The following ANO9 variants were observed in gnomAD, a reference collection of about 807,000 sequenced individuals.
The protein encoded by ANO9 is anoctamin-9.
In ANO9, 80 loss-of-function variants were observed where a neutral mutation model predicts 100.5. The observed-to-expected ratio is 0.80, with a 90% confidence interval of 0.66 to 0.96. The LOEUF is 0.96. Among genes scored for constraint, ANO9 ranks in the 40% least tolerant of loss-of-function variants. ANO9 has a pLI of 0.00. For missense variants in ANO9, 1,064 were observed against 1,072.7 expected, an observed-to-expected ratio of 0.99 and a Z score of 0.11; for synonymous variants, 473 against 435.6, an observed-to-expected ratio of 1.09 and a Z score of -1.07.
chr11:420,555 G>T lies in ANO9; in HGVS notation c.1694C>A (p.Ala565Glu). The change falls in exon 19 of 23, where the codon GCG becomes GAG. Residue 565 changes from alanine to glutamate, a missense_variant. Ala to Glu is a moderately radical substitution (Grantham distance 107). Transcript: ENST00000332826. ...VAAFPLAPLL[A>E]LFSNLVEIRL... Reference sequence around the variant, plus strand: ...GATCTCCACGAGGTTGCTGAAGAGCGCGAGCAGCGGCGCCAGCGGGAAGGC... The same window carrying T: ...GATCTCCACGAGGTTGCTGAAGAGCTCGAGCAGCGGCGCCAGCGGGAAGGC... 6.2e-7 allele frequency: 1 copy of T among 1,605,518 alleles called. No individual in the cohort carries two copies.
chr11:427,337 G>A (rs188305007), intron 15 of ANO9, among the ~76,000 whole-genome samples: 1 of 152,112 alleles, frequency 6.6e-6, no homozygotes, highest in African/African-American at 2.4e-5. Context: ...GCGACAGAGC[G>A]AGACTCCATC....
At chr11:431,941 A>G (rs1171813412) in intron 5 of ANO9, 35 bp from the exon 6 acceptor site, 4 of 1,611,556 alleles carry the variant, frequency 2.5e-6, no homozygotes, top group South Asian at 2.2e-5. Flanking sequence ...AGGGGGAGTG[A>G]GGTGCTGGGA....
Position 428,073 on chromosome 11 carries a change from T to C in ANO9, c.1334+15A>G, listed in dbSNP as rs754718199. The C allele has an allele frequency of 6.4e-7, 1 of 1,574,634 alleles. No homozygotes were observed. The highest frequency in any genetic ancestry group is 1.8e-5 in the Admixed American group (1 of 55,902). On this transcript the variant is annotated intron_variant, in intron 15 of 22. Coordinates refer to ENST00000332826, the MANE Select transcript of ANO9 (RefSeq NM_001012302.3). The stretch of plus-strand genomic sequence containing the variant: ...CTCGTGAGTTGGGTTGGAGGGAGCC[T>C]GGCGCCGGCCCTACCTGCCCAGGAT...
intron 15 of ANO9, among the ~76,000 whole-genome samples, chr11:425,033 G>A (rs1048603401): frequency 1.6e-5 from 2 of 128,056 alleles, no homozygotes; most frequent in African/African-American, 6.0e-5. Flanking sequence ...GGCGTGGAGA[G>A]ACGGGACGCG....
At chr11:433,157 G>A in intron 4 of ANO9, 157 bp downstream of exon 4, 1 of 967,910 alleles carries the variant, frequency 1.0e-6, no homozygotes, top group Non-Finnish European at 1.5e-6. Context: ...GGCTCACACA[G>A]CCAGTGGGTC....
chr11:428,839 C>G lies in ANO9; in HGVS notation c.916-13G>C. 2 of 1,611,758 alleles carry G rather than the reference C, an allele frequency of 1.2e-6. No individual in the cohort carries two copies. Among genetic ancestry groups the G allele is most frequent in the Non-Finnish European group, 1.7e-6 (2 of 1,179,182 alleles). On this transcript the variant is annotated splice_polypyrimidine_tract_variant and intron_variant, in intron 11 of 22. Coordinates refer to ENST00000332826, the MANE Select transcript of ANO9 (RefSeq NM_001012302.3). ...GTGCCATTTCCTCCTGGGGAGAGCA[C>G]CGGGCAAGCCTCAGACAAGGGACAC...
intron 7 of ANO9, among the ~76,000 whole-genome samples, chr11:430,915 C>T (rs61497348): frequency 0.11 from 166 of 1,466 alleles, 28 homozygotes; most frequent in Middle Eastern, 0.5. Flanking sequence ...TATCTGGGGG[C>T]GTCCGCGGGG....
chr11:439,059 T>G (rs2133721891), intron 1 of ANO9, among the ~76,000 whole-genome samples: 1 of 152,166 alleles, frequency 6.6e-6, no homozygotes, highest in South Asian at 2.1e-4. Flanking sequence ...AGGCCTCAGT[T>G]TCCTCGTCTG....
intron 15 of ANO9, among the ~76,000 whole-genome samples, chr11:425,731 TG>T (rs1185256552): frequency 6.6e-6 from 1 of 151,954 alleles, no homozygotes; most frequent in Non-Finnish European, 1.5e-5. Context: ...TTTGTTTGTT[TG>T]TTTGTTTTGT....
Position 420,815 on chromosome 11 carries a change from C to A in ANO9, c.1536G>T (p.Gly512=), listed in dbSNP as rs757654418. 6.3e-7 allele frequency: 1 copy of A among 1,592,940 alleles called. No individual in the cohort carries two copies. Among genetic ancestry groups the A allele is most frequent in the Non-Finnish European group, 8.5e-7 (1 of 1,173,352 alleles). ...TGAGCTCGGGGTCCCGGGGCAGGTG[C>A]CCGGACTCGGAGGCCCGCAGAGAGC... ...KCRSLRASES[G]HLPRDPELRD... is the part of the protein sequence containing the mutation. Residue 512 remains glycine, a synonymous_variant, in exon 18 of 23, where the codon GGG becomes GGT. Coordinates refer to ENST00000332826, the MANE Select transcript of ANO9 (RefSeq NM_001012302.3).
intron 1 of ANO9, among the ~76,000 whole-genome samples, chr11:436,543 C>G (rs994183800): frequency 6.6e-6 from 1 of 150,882 alleles, no homozygotes; most frequent in Non-Finnish European, 1.5e-5. Context: ...ACAGAAGGCT[C>G]TCAGGCAGGG....
At position 421,413 on chromosome 11, in the gene ANO9, G is replaced by A. The variant is rs1848178909; in HGVS notation, c.1335-215C>T. On this transcript the variant is annotated intron_variant, in intron 15 of 22. Coordinates refer to ENST00000332826, the MANE Select transcript of ANO9 (RefSeq NM_001012302.3). This position sits in a 1 kb window ranked among gnomAD's most constrained non-coding sequence, Gnocchi z 6.8. Reference sequence around the variant, plus strand: ...ACACAGGGGAGGCCACAGGCTCCCAGATGAACCGCACCCACACGTGGGCGC... The same window carrying A: ...ACACAGGGGAGGCCACAGGCTCCCAAATGAACCGCACCCACACGTGGGCGC... The A allele has an allele frequency of 2.3e-6, 1 of 426,064 alleles. No individual in the cohort carries two copies. Among genetic ancestry groups the A allele is most frequent in the Non-Finnish European group, 4.0e-6 (1 of 247,114 alleles). 26.4% of individuals were successfully genotyped at this position (426,064 alleles called of 1,614,324 possible). A position where few individuals can be genotyped will look rare whatever the true frequency, so the allele number is the denominator to read the frequency against.
At chr11:424,450 C>G (rs1848378289) in intron 15 of ANO9, among the ~76,000 whole-genome samples, 1 of 152,202 alleles carries the variant, frequency 6.6e-6, no homozygotes. Flanking sequence ...GGTCCTCAGT[C>G]ATCTATTCTG....
At chr11:439,433 G>C (rs1224153079) in intron 1 of ANO9, among the ~76,000 whole-genome samples, 1 of 111,326 alleles carries the variant, frequency 9.0e-6, no homozygotes, top group Non-Finnish European at 1.8e-5. Flanking sequence ...CAGAGGAGAT[G>C]GTTGTGCAGA....
intron 4 of ANO9, chr11:433,064 G>C: frequency 1.9e-6 from 1 of 514,714 alleles, no homozygotes; most frequent in South Asian, 3.1e-5. Flanking sequence ...GTGTCCCCAG[G>C]AACACAGGCA....
chr11:438,528 T>C (rs1489761737), intron 1 of ANO9, among the ~76,000 whole-genome samples: 1 of 146,076 alleles, frequency 6.8e-6, no homozygotes, highest in Non-Finnish European at 1.5e-5. Context: ...GCTCCGAGAC[T>C]CTGCTGCAGA....
At chr11:427,599 G>A (rs2133692268) in intron 15 of ANO9, among the ~76,000 whole-genome samples, 1 of 152,202 alleles carries the variant, frequency 6.6e-6, no homozygotes, top group East Asian at 1.9e-4. Context: ...GGGTGTGGTG[G>A]TGCACGCCTG....
At chr11:427,338 A>G (rs1424849378) in intron 15 of ANO9, among the ~76,000 whole-genome samples, 1 of 152,128 alleles carries the variant, frequency 6.6e-6, no homozygotes, top group Non-Finnish European at 1.5e-5. Context: ...CGACAGAGCG[A>G]GACTCCATCT....
chr11:441,511 T>TC (rs1298890908), intron 1 of ANO9, among the ~76,000 whole-genome samples: 10 of 151,230 alleles, frequency 6.6e-5, no homozygotes, highest in East Asian at 2.0e-4. Flanking sequence ...CACAGCCCGC[T>TC]CCCCCTTAGG....
Sources: gnomAD v4.1 joint callset for allele counts (sites outside exome capture counted in the v4.1 genomes callset) on GRCh38, gnomAD v4.1.1 for gene constraint, Gnocchi (gnomAD v3.1) non-coding constraint, MANE v1.5 for transcripts, NCBI Gene and HGNC (gene_info 2026-07-23, HGNC 2026-07-21) for gene names.